The following ADAMTSL1 variants were observed in gnomAD, a reference collection of about 807,000 sequenced individuals.
ADAMTSL1 encodes the protein ADAMTS like 1.
Under a neutral mutation model 201.8 loss-of-function variants are expected in ADAMTSL1, and 126 were observed. The observed-to-expected ratio is 0.62, with a 90% CI of 0.54 to 0.72. The LOEUF (loss-of-function observed/expected upper bound fraction) is 0.72, where lower values mean the gene tolerates loss of function less well. Ranked by LOEUF, ADAMTSL1 falls within the 30% of genes least tolerant of loss-of-function variation. The pLI is 0.00. For missense variants in ADAMTSL1, 2,679 were observed against 2,277.8 expected (o/e 1.18, Z -3.59); for synonymous variants, 1,121 against 903.4 (o/e 1.24, Z -4.32).
chr9:18,326,877 A>G (rs1039351983), intron 2 of ADAMTSL1, among the ~76,000 whole-genome samples: 4 of 152,256 alleles, frequency 2.6e-5, no homozygotes. Flanking sequence ...TAAGTGAAAT[A>G]TGACCTGTTG....
At chr9:18,887,809 A>G in intron 23 of ADAMTSL1, 22 bp from the exon 24 acceptor site, 1 of 1,601,590 alleles carries the variant, frequency 6.2e-7, no homozygotes, top group Non-Finnish European at 8.5e-7. Flanking sequence ...ACTAAGGCTT[A>G]CTTCTTTTCC....
At chr9:18,823,202 G>C (rs1165162410) in intron 21 of ADAMTSL1, among the ~76,000 whole-genome samples, 2 of 152,130 alleles carry the variant, frequency 1.3e-5, no homozygotes, top group African/African-American at 4.8e-5. Context: ...TCTGAGAGAG[G>C]TTTGCCAGTA....
chr9:18,287,511 T>C (rs1466850775), intron 2 of ADAMTSL1, among the ~76,000 whole-genome samples: 2 of 151,482 alleles, frequency 1.3e-5, no homozygotes, highest in Admixed American at 6.6e-5. Flanking sequence ...TATGTGCACA[T>C]ATGTAATATA....
intron 1 of ADAMTSL1, among the ~76,000 whole-genome samples, chr9:18,075,613 C>A (rs1269854111): frequency 4.6e-5 from 7 of 152,152 alleles, no homozygotes; most frequent in Non-Finnish European, 8.8e-5. Context: ...AGTGATTTAT[C>A]CAAGAAGAAA....
intron 13 of ADAMTSL1, among the ~76,000 whole-genome samples, chr9:18,693,236 GC>G: frequency 6.6e-6 from 1 of 152,258 alleles, no homozygotes; most frequent in Admixed American, 6.5e-5. Context: ...TCTCAAAGCT[GC>G]CCCTTAATTT....
intron 2 of ADAMTSL1, among the ~76,000 whole-genome samples, chr9:18,366,084 C>CT (rs1055421401): frequency 1.1e-4 from 16 of 151,020 alleles, no homozygotes; most frequent in East Asian, 7.8e-4. Context: ...CTCCCTTTGG[C>CT]TTTTTTTTTG....
At chr9:18,199,164 A>T (rs1829321930) in intron 2 of ADAMTSL1, among the ~76,000 whole-genome samples, 1 of 151,658 alleles carries the variant, frequency 6.6e-6, no homozygotes, top group Non-Finnish European at 1.5e-5. Flanking sequence ...ATGCTAGATG[A>T]CGAGTTAGTG....
chr9:18,170,565 C>T lies in ADAMTSL1; in HGVS notation c.207+6584C>T, dbSNP rs75528855. ...AAGTTAATTAAGACCACATTATTTA[C>T]TTGTGTACACGTGAAGCCTATGGGA... On this transcript the variant is annotated intron_variant, in intron 2 of 29. Coordinates refer to the ADAMTSL1 transcript ENST00000680146. 1.3e-3 allele frequency among the ~76,000 whole-genome samples: 205 copies of T among 152,116 alleles called. 2 individuals carry two copies. The highest frequency in any genetic ancestry group is 4.7e-3 in the African/African-American group (197 of 41,526).
chr9:18,825,804 T>C (rs988705407), intron 21 of ADAMTSL1, among the ~76,000 whole-genome samples: 1 of 152,102 alleles, frequency 6.6e-6, no homozygotes, highest in Non-Finnish European at 1.5e-5. Context: ...AAGGAAATTA[T>C]ACAGTATGTA....
At chr9:18,399,648 G>C (rs1166758049) in intron 2 of ADAMTSL1, among the ~76,000 whole-genome samples, 1 of 151,908 alleles carries the variant, frequency 6.6e-6, no homozygotes, top group African/African-American at 2.4e-5. Flanking sequence ...ACCGCACCTG[G>C]CTACTTTACC....
intron 2 of ADAMTSL1, among the ~76,000 whole-genome samples, chr9:18,182,261 A>G (rs758837587): frequency 3.1e-4 from 47 of 152,068 alleles, no homozygotes; most frequent in Non-Finnish European, 5.6e-4. Flanking sequence ...CACATTGTGC[A>G]CAAGTACCCT....
At chr9:18,442,791 G>T (rs1307937754) in intron 2 of ADAMTSL1, among the ~76,000 whole-genome samples, 2 of 152,178 alleles carry the variant, frequency 1.3e-5, no homozygotes, top group African/African-American at 4.8e-5. Context: ...GCATAGACTG[G>T]GTGGTAAAAG....
intron 3 of ADAMTSL1, among the ~76,000 whole-genome samples, chr9:18,534,457 A>G (rs1377547550): frequency 6.6e-6 from 1 of 152,206 alleles, no homozygotes; most frequent in African/African-American, 2.4e-5. Context: ...ACTCTGCAAG[A>G]CTTGAAAAGC....
At chr9:18,582,590 T>G (rs1045495247) in intron 4 of ADAMTSL1, among the ~76,000 whole-genome samples, 2 of 152,086 alleles carry the variant, frequency 1.3e-5, no homozygotes, top group African/African-American at 4.8e-5. Flanking sequence ...GGCTCACACC[T>G]GTAATCCCAG....
chr9:18,355,253 C>T (rs1478910745), intron 2 of ADAMTSL1, among the ~76,000 whole-genome samples: 1 of 152,044 alleles, frequency 6.6e-6, no homozygotes, highest in Non-Finnish European at 1.5e-5. Flanking sequence ...TTTGAAGGTC[C>T]TTCAAACTCT....
intron 2 of ADAMTSL1, among the ~76,000 whole-genome samples, chr9:18,196,022 A>G (rs1829161317): frequency 6.6e-6 from 1 of 152,112 alleles, no homozygotes; most frequent in Non-Finnish European, 1.5e-5. Context: ...TTCTGTTAGG[A>G]CTGGTCAAAT....
intron 2 of ADAMTSL1, among the ~76,000 whole-genome samples, chr9:18,272,017 G>A (rs1358175215): frequency 6.6e-6 from 1 of 150,752 alleles, no homozygotes. Context: ...ACTTTTTGAT[G>A]GGGTTGTTTG....
At chr9:18,119,284 A>AT (rs568109727) in intron 1 of ADAMTSL1, among the ~76,000 whole-genome samples, 48 of 149,882 alleles carry the variant, frequency 3.2e-4, no homozygotes, top group Non-Finnish European at 4.9e-4. Flanking sequence ...CTTCCTGAAT[A>AT]TTTTTTTTTT....
chr9:18,630,493 T>C (rs1368766785), intron 5 of ADAMTSL1, among the ~76,000 whole-genome samples: 2 of 152,176 alleles, frequency 1.3e-5, no homozygotes, highest in African/African-American at 2.4e-5. Context: ...AAATTCTAAC[T>C]GTTTTTGTCT....
Sources: allele counts gnomAD v4.1 joint callset (sites outside exome capture counted in the v4.1 genomes callset), GRCh38; gene constraint gnomAD v4.1.1; transcripts MANE v1.5; gene names NCBI Gene and HGNC (gene_info 2026-07-23, HGNC 2026-07-21).